The following PI4K2A variants were observed in gnomAD, a reference collection of about 807,000 sequenced individuals.
PI4K2A encodes phosphatidylinositol 4-kinase type 2 alpha, also known as phosphatidylinositol 4-kinase type 2-alpha.
A neutral mutation model predicts 55.0 loss-of-function variants in PI4K2A; 20 were observed. That is an observed-to-expected ratio of 0.36 (90% CI 0.26 to 0.53). The LOEUF (loss-of-function observed/expected upper bound fraction) is 0.53, where lower values mean the gene tolerates loss of function less well. Among genes scored for constraint, PI4K2A ranks in the 20% least tolerant of loss-of-function variants. The probability of loss-of-function intolerance (pLI) is 0.91; values close to 1 mark genes in which losing one functional copy is unlikely to be tolerated. For synonymous variants in PI4K2A, 235 were observed against 258.5 expected, an observed-to-expected ratio of 0.91 and a Z score of 0.87; for missense variants, 463 against 637.1, an observed-to-expected ratio of 0.73 and a Z score of 2.94.
At chr10:97,642,857 T>G (rs868532546) in intron 1 of PI4K2A, among the ~76,000 whole-genome samples, 938 of 13,538 alleles carry the variant, frequency 0.069, 82 homozygotes, top group Non-Finnish European at 0.12. Context: ...CTTCCTTTCT[T>G]TCTTTCTTTT....
At chr10:97,666,280 G>A (rs970413043) in intron 6 of PI4K2A, among the ~76,000 whole-genome samples, 158 bp from the exon 7 acceptor site, 3 of 152,204 alleles carry the variant, frequency 2.0e-5, no homozygotes, top group African/African-American at 7.2e-5. Flanking sequence ...CTGACTAGCT[G>A]TGTAACCTTT....
At chr10:97,666,496 A>C (rs771023100) in exon 7 of PI4K2A, 4 of 1,612,970 alleles carry the variant, frequency 2.5e-6, no homozygotes, top group Non-Finnish European at 3.4e-6. Flanking sequence ...AGGAGATCAA[A>C]GATCTGATCC....
Position 97,651,145 on chromosome 10 carries a change from A to C in PI4K2A, c.636+4A>C. On this transcript the variant is annotated splice_donor_region_variant and intron_variant, in intron 2 of 8. Coordinates refer to ENST00000370631, the Ensembl canonical transcript of PI4K2A. ...CAACATTGTTCCCCGTACAAAGGTC[A>C]GTGACCCATCTCCAGGAAGCCTTAC... The C allele has an allele frequency of 6.2e-7, 1 of 1,610,786 alleles. No homozygotes were observed. The highest frequency in any genetic ancestry group is 1.1e-5 in the South Asian group (1 of 90,958).
chr10:97,644,569 C>T (rs1293680054), intron 1 of PI4K2A, among the ~76,000 whole-genome samples: 1 of 152,144 alleles, frequency 6.6e-6, no homozygotes, highest in Non-Finnish European at 1.5e-5. Flanking sequence ...GTTCTTCCTG[C>T]CAGCTGATCA....
At chr10:97,652,226 C>T (rs531757722) in intron 2 of PI4K2A, among the ~76,000 whole-genome samples, 59 of 152,072 alleles carry the variant, frequency 3.9e-4, no homozygotes, top group Non-Finnish European at 7.8e-4. Flanking sequence ...GGTTCATAAA[C>T]GTTGCAGTCT....
At chr10:97,651,187 TCCTGGGG>T in intron 2 of PI4K2A, 46 bp downstream of exon 2, 1 of 1,451,498 alleles carries the variant, frequency 6.9e-7, no homozygotes, top group Non-Finnish European at 9.7e-7. Flanking sequence ...GCCACAGTTT[TCCTGGGG>T]CCTAAGCCCT....
At chr10:97,644,571 A>C (rs1372555939) in intron 1 of PI4K2A, among the ~76,000 whole-genome samples, 1 of 152,178 alleles carries the variant, frequency 6.6e-6, no homozygotes, top group Non-Finnish European at 1.5e-5. Flanking sequence ...TCTTCCTGCC[A>C]GCTGATCAGC....
intron 4 of PI4K2A, among the ~76,000 whole-genome samples, chr10:97,661,992 T>C (rs537760469): frequency 2.0e-5 from 3 of 151,848 alleles, no homozygotes; most frequent in African/African-American, 7.2e-5. Context: ...GTTGGGACTA[T>C]AGGCACGTAC....
chr10:97,645,335 G>T (rs563180847), intron 1 of PI4K2A, among the ~76,000 whole-genome samples: 4 of 152,064 alleles, frequency 2.6e-5, no homozygotes, highest in African/African-American at 9.7e-5. Flanking sequence ...TAGATGGGGC[G>T]CAGTGGTTCA....
chr10:97,640,879 C>T (rs551282937), exon 1 of PI4K2A: 2 of 1,307,436 alleles, frequency 1.5e-6, no homozygotes, highest in South Asian at 4.6e-5. Flanking sequence ...GGCTCGGGCC[C>T]CTCTCCGCCG....
Position 97,656,231 on chromosome 10 carries a change from T to G in PI4K2A, c.637-54T>G. 6.7e-7 allele frequency: 1 copy of G among 1,483,974 alleles called. No homozygotes were observed. The highest frequency in any genetic ancestry group is 9.4e-7 in the Non-Finnish European group (1 of 1,065,472). 91.9% of individuals were successfully genotyped at this position (1,483,974 alleles called of 1,614,324 possible). ...AAGCTATTTATTCTCTGCCATAGTC[T>G]TCTGGTTCCTTAAACTTGACTCTAA... On this transcript the variant is annotated intron_variant, in intron 2 of 8. Coordinates refer to ENST00000370631, the Ensembl canonical transcript of PI4K2A. The surrounding 1 kb of genome is among the most constrained non-coding windows in gnomAD (Gnocchi z 4.5).
At chr10:97,648,328 G>T (rs1028136866) in intron 1 of PI4K2A, among the ~76,000 whole-genome samples, 12 of 151,976 alleles carry the variant, frequency 7.9e-5, no homozygotes, top group African/African-American at 2.9e-4. Flanking sequence ...CTGACCTCAG[G>T]TGATCCACCC....
intron 8 of PI4K2A, among the ~76,000 whole-genome samples, chr10:97,669,505 G>T (rs1270163744): frequency 2.0e-5 from 3 of 152,120 alleles, no homozygotes; most frequent in Non-Finnish European, 2.9e-5. Context: ...TCTCCATCTT[G>T]TGCTCCTAAT....
At chr10:97,641,241 G>A in intron 1 of PI4K2A, 64 bp downstream of exon 1, 1 of 1,253,348 alleles carries the variant, frequency 8.0e-7, no homozygotes, top group Non-Finnish European at 1.1e-6. Flanking sequence ...GGGGAGTTGG[G>A]GGCTTCGCAC....
chr10:97,667,078 CAG>C lies in PI4K2A; in HGVS notation c.1237_1238del (p.Arg413GlyfsTer5). 6.2e-7 allele frequency: 1 copy of C among 1,613,704 alleles called. No homozygotes were observed. Among genetic ancestry groups the C allele is most frequent in the Non-Finnish European group, 8.5e-7 (1 of 1,179,686 alleles). On this transcript the variant is annotated frameshift_variant, in exon 8 of 9. Transcript: ENST00000370631. LOFTEE classifies it high-confidence loss of function. ...TTTTGCAGAAAGATCCTGGTTTCGACAGGGGCCAGTTCCATAAGCAGATTGCT... is the reference window on the plus strand; with the variant it reads ...TTTTGCAGAAAGATCCTGGTTTCGACGGGCCAGTTCCATAAGCAGATTGCT...
At chr10:97,672,053 T>C (rs1234266932) in intron 8 of PI4K2A, among the ~76,000 whole-genome samples, 2 of 151,910 alleles carry the variant, frequency 1.3e-5, no homozygotes, top group Non-Finnish European at 2.9e-5. Context: ...TTCTTTCTTT[T>C]TTTTTTTTGA....
At chr10:97,653,543 C>T (rs1396435139) in intron 2 of PI4K2A, among the ~76,000 whole-genome samples, 1 of 152,218 alleles carries the variant, frequency 6.6e-6, no homozygotes, top group Non-Finnish European at 1.5e-5. Flanking sequence ...TCGTCCCTAT[C>T]TTTGGTCTTC....
At chr10:97,664,366 C>G (rs985017845) in intron 5 of PI4K2A, among the ~76,000 whole-genome samples, 4 of 152,178 alleles carry the variant, frequency 2.6e-5, no homozygotes, top group African/African-American at 9.7e-5. Context: ...TGTCCTTTTC[C>G]TTTTCATGCA....
intron 8 of PI4K2A, among the ~76,000 whole-genome samples, chr10:97,671,564 TAAA>T (rs1051020972): frequency 1.3e-5 from 2 of 151,460 alleles, no homozygotes; most frequent in East Asian, 3.9e-4. Context: ...AACATTTATT[TAAA>T]AAAAAAGGTG....
Sources: gnomAD v4.1 joint callset for allele counts (sites outside exome capture counted in the v4.1 genomes callset) on GRCh38, gnomAD v4.1.1 for gene constraint, Gnocchi (gnomAD v3.1) non-coding constraint, MANE v1.5 for transcripts, NCBI Gene and HGNC (gene_info 2026-07-23, HGNC 2026-07-21) for gene names.